Variants in LRP1B observed in about 807,000 individuals in gnomAD.
LRP1B encodes the protein LDL receptor related protein 1B.
LRP1B carries 217 observed loss-of-function variants against 556.6 expected under a neutral mutation model. The ratio of observed to expected loss-of-function variants is 0.39; its 90% CI spans 0.35 to 0.44. The LOEUF (loss-of-function observed/expected upper bound fraction) is 0.44. Among genes scored for constraint, LRP1B ranks in the 20% least tolerant of loss-of-function variants. The pLI, the probability that LRP1B is intolerant of heterozygous loss-of-function variation, is 1.00. For missense variants in LRP1B, 5,053 were observed against 5,620.8 expected, an observed-to-expected ratio of 0.90 and a Z score of 3.23; for synonymous variants, 2,047 against 1,865.8, an observed-to-expected ratio of 1.10 and a Z score of -2.50.
intron 23 of LRP1B, among the ~76,000 whole-genome samples, chr2:140,887,665 T>C (rs984013): frequency 0.84 from 127,549 of 152,086 alleles, 53,901 homozygotes; most frequent in Non-Finnish European, 0.89. Flanking sequence ...ATTCATATGC[T>C]CATCAACTGA....
At chr2:141,726,010 T>C (rs991717707) in intron 2 of LRP1B, among the ~76,000 whole-genome samples, 1 of 151,840 alleles carries the variant, frequency 6.6e-6, no homozygotes, top group African/African-American at 2.4e-5. Context: ...CATTACTCTT[T>C]TGTATACGGA....
chr2:140,816,235 A>G (rs1262632013), intron 31 of LRP1B, among the ~76,000 whole-genome samples: 1 of 151,866 alleles, frequency 6.6e-6, no homozygotes, highest in Non-Finnish European at 1.5e-5. Context: ...CTCCTGCCTC[A>G]GCCTCCCAAG....
chr2:140,815,488 T>C (rs1242810813), intron 31 of LRP1B, among the ~76,000 whole-genome samples: 2 of 152,074 alleles, frequency 1.3e-5, no homozygotes, highest in Non-Finnish European at 2.9e-5. Flanking sequence ...TTTTTTCTTT[T>C]TCTTTTAGTG....
At chr2:141,506,665 T>C (rs1683944325) in intron 2 of LRP1B, among the ~76,000 whole-genome samples, 1 of 152,078 alleles carries the variant, frequency 6.6e-6, no homozygotes, top group South Asian at 2.1e-4. Context: ...TCGGGCTCTT[T>C]GTATTAGTAT....
chr2:141,225,253 T>A (rs559057231), intron 6 of LRP1B, among the ~76,000 whole-genome samples: 48 of 152,238 alleles, frequency 3.2e-4, no homozygotes, highest in African/African-American at 1.0e-3. Flanking sequence ...CATGTTAAAA[T>A]CTTAAATGTG....
rs542655284 is a variant in LRP1B, at chr2:141,166,942, T to C, written c.1013+21479A>G. Among the ~76,000 whole-genome samples the C allele has an allele frequency of 4.5e-4, 68 of 152,122 alleles. 1 individual carries two copies. The highest frequency in any genetic ancestry group is 7.2e-4 in the Non-Finnish European group (49 of 67,924). Reference sequence around the variant, plus strand: ...TGCAGAGTATTAGCAAATTCAATTATAACATAATATATTCATAGAACATGG... The same window carrying C: ...TGCAGAGTATTAGCAAATTCAATTACAACATAATATATTCATAGAACATGG... On this transcript the variant is annotated intron_variant, in intron 7 of 90. Coordinates refer to ENST00000389484, the MANE Select transcript of LRP1B (RefSeq NM_018557.3).
intron 1 of LRP1B, among the ~76,000 whole-genome samples, chr2:141,848,481 A>T (rs1028215251): frequency 3.3e-5 from 5 of 151,478 alleles, no homozygotes; most frequent in Non-Finnish European, 7.4e-5. Context: ...TCACTAGGAG[A>T]CTCTATAAAT....
chr2:140,799,907 G>T (rs564882482), intron 32 of LRP1B, among the ~76,000 whole-genome samples: 3 of 152,178 alleles, frequency 2.0e-5, no homozygotes, highest in African/African-American at 7.2e-5. Flanking sequence ...CGGACAGTGG[G>T]TGCAGGACAG....
intron 3 of LRP1B, among the ~76,000 whole-genome samples, chr2:141,387,816 T>C (rs1264129869): frequency 6.6e-6 from 1 of 152,136 alleles, no homozygotes; most frequent in Admixed American, 6.5e-5. Flanking sequence ...TTCAATGAGA[T>C]ATGTATTTCC....
intron 2 of LRP1B, among the ~76,000 whole-genome samples, chr2:141,647,867 T>C (rs1471205702): frequency 1.3e-5 from 2 of 152,042 alleles, no homozygotes; most frequent in African/African-American, 4.8e-5. Context: ...CAGTTTATTA[T>C]TTGGAGTATG....
chr2:141,582,827 C>CT (rs869158175), intron 2 of LRP1B, among the ~76,000 whole-genome samples: 23,469 of 71,994 alleles, frequency 0.33, 6,314 homozygotes, highest in Non-Finnish European at 0.42. Flanking sequence ...ACCTATTAAA[C>CT]TTTTTTTTTT....
intron 2 of LRP1B, among the ~76,000 whole-genome samples, chr2:141,616,910 C>T (rs1030980409): frequency 6.6e-6 from 1 of 151,994 alleles, no homozygotes; most frequent in Non-Finnish European, 1.5e-5. Flanking sequence ...GCCTTCTTTC[C>T]CCTCCTCTTC....
At chr2:140,660,273 T>C (rs958040235) in intron 41 of LRP1B, among the ~76,000 whole-genome samples, 6 of 152,146 alleles carry the variant, frequency 3.9e-5, no homozygotes, top group Non-Finnish European at 7.4e-5. Context: ...CAATGTTAAG[T>C]TAAATACCCA....
chr2:140,895,905 G>A (rs991696376), intron 23 of LRP1B, among the ~76,000 whole-genome samples: 2 of 152,078 alleles, frequency 1.3e-5, no homozygotes, highest in African/African-American at 2.4e-5. Context: ...TCTGCTGCCC[G>A]TGGAGCCTGG....
At position 141,438,334 on chromosome 2, in the gene LRP1B, T is replaced by C. The variant is rs565116079; in HGVS notation, c.343+42062A>G. ...TGTTTGAAACACAATAACCCATTCATTCATTCACTCACTCACTCATTCATT... is the reference window on the plus strand; with the variant it reads ...TGTTTGAAACACAATAACCCATTCACTCATTCACTCACTCACTCATTCATT... On this transcript the variant is annotated intron_variant, in intron 3 of 90. Transcript: ENST00000389484. Among the ~76,000 whole-genome samples, 4 of 151,398 alleles carry C rather than the reference T, an allele frequency of 2.6e-5. No individual in the cohort carries two copies. The South Asian group carries it at 8.3e-4, about 31-fold the overall frequency.
chr2:141,274,276 A>T (rs576326229), intron 3 of LRP1B, among the ~76,000 whole-genome samples: 1 of 152,334 alleles, frequency 6.6e-6, no homozygotes, highest in African/African-American at 2.4e-5. Context: ...AGAGTTACTT[A>T]CAGTAGCCAA....
intron 7 of LRP1B, among the ~76,000 whole-genome samples, chr2:141,091,563 A>C (rs1021532917): frequency 6.6e-5 from 10 of 152,070 alleles, no homozygotes; most frequent in African/African-American, 4.8e-5. Flanking sequence ...GCATGTCTAA[A>C]TTACCCAAGT....
chr2:141,286,761 T>TTTGTAC (rs1408545648), intron 3 of LRP1B: 2 of 442,268 alleles, frequency 4.5e-6, no homozygotes, highest in East Asian at 1.4e-4. Context: ...ACATTGTACA[T>TTTGTAC]TTGTACTTGT....
chr2:140,493,224 T>C (rs1408044497), intron 56 of LRP1B, among the ~76,000 whole-genome samples: 1 of 152,164 alleles, frequency 6.6e-6, no homozygotes, highest in Non-Finnish European at 1.5e-5. Context: ...TCTTTGTTTG[T>C]TAATTTTACC....
Sources: gnomAD v4.1 joint callset for allele counts (sites outside exome capture counted in the v4.1 genomes callset) on GRCh38, gnomAD v4.1.1 for gene constraint, MANE v1.5 for transcripts, NCBI Gene and HGNC (gene_info 2026-07-23, HGNC 2026-07-21) for gene names.